GPR132: variants seen among roughly 807,000 people sequenced by gnomAD.
GPR132 encodes probable G protein-coupled receptor 132.
In GPR132, 4 loss-of-function variants were observed where a neutral mutation model predicts 1.9. The ratio of observed to expected loss-of-function variants is 2.13; its 90% CI spans 1.05 to 4.87. The LOEUF is 4.87. Ranked by LOEUF, GPR132 falls within the 30% of genes most tolerant of loss-of-function variation. The pLI is 0.01. For synonymous variants in GPR132, 233 were observed against 234.2 expected (o/e 0.99, Z 0.05); for missense variants, 404 against 512.5 (o/e 0.79, Z 2.04).
At chr14:105,062,949 CA>C (rs1566737642) in intron 1 of GPR132, among the ~76,000 whole-genome samples, 1 of 151,704 alleles carries the variant, frequency 6.6e-6, no homozygotes, top group African/African-American at 2.4e-5. Flanking sequence ...TATTTGGAGA[CA>C]GGGTCTTGCT....
chr14:105,056,397 G>T lies in GPR132; in HGVS notation c.-746-231C>A, dbSNP rs554818080. ...GTCCTGAGCTCAGAGGAAGTTTCGG[G>T]CCCCCTACACGGCCCCGTCTCTTTC... On this transcript the variant is annotated intron_variant, in intron 2 of 3. Transcript: ENST00000329797. This position sits in a 1 kb window ranked among gnomAD's most constrained non-coding sequence, Gnocchi z 6.0. 6.6e-6 allele frequency among the ~76,000 whole-genome samples: 1 copy of T among 152,132 alleles called. No individual in the cohort carries two copies. The highest frequency in any genetic ancestry group is 2.4e-5 in the African/African-American group (1 of 41,424).
At position 105,051,198 on chromosome 14, in the gene GPR132, G is replaced by A. The variant is rs1214054273; in HGVS notation, c.939C>T (p.Asp313=). ...TTCTGGACACTTCTTGGCGGGAATGGTCCGTGGCCAGCACGTAGATAATGG... is the reference window on the plus strand; with the variant it reads ...TTCTGGACACTTCTTGGCGGGAATGATCCGTGGCCAGCACGTAGATAATGG... ...ADPIIYVLAT[D]HSRQEVSRIH... The change falls in exon 4 of 4, where the codon GAC becomes GAT. Residue 313 remains aspartate, a synonymous_variant. Transcript: ENST00000329797. This position sits in a 1 kb window ranked among gnomAD's most constrained non-coding sequence, Gnocchi z 8.0. 2 of 1,614,012 alleles carry A rather than the reference G, an allele frequency of 1.2e-6. No individual in the cohort carries two copies. Among genetic ancestry groups the A allele is most frequent in the African/African-American group, 1.3e-5 (1 of 74,946 alleles).
rs1886792427 is a variant in GPR132, at chr14:105,056,341, A to G, written c.-746-175T>C. 6.6e-6 allele frequency among the ~76,000 whole-genome samples: 1 copy of G among 152,076 alleles called. No homozygotes were observed. Among genetic ancestry groups the G allele is most frequent in the Non-Finnish European group, 1.5e-5 (1 of 67,994 alleles). ...TCTTCACCCAGATGGCTCTTTTCCC[A>G]TCAAACGAGTGCCCCAGCCCCGCTG... On this transcript the variant is annotated intron_variant, in intron 2 of 3. Transcript: ENST00000329797. This position sits in a 1 kb window ranked among gnomAD's most constrained non-coding sequence, Gnocchi z 6.0.
In GPR132 at chr14:105,060,110, G is replaced by A. The variant is rs1340466707; in HGVS notation, c.-860-2830C>T. 6.6e-6 allele frequency among the ~76,000 whole-genome samples: 1 copy of A among 152,222 alleles called. No homozygotes were observed. The highest frequency in any genetic ancestry group is 1.5e-5 in the Non-Finnish European group (1 of 68,036). On this transcript the variant is annotated intron_variant, in intron 1 of 3. Coordinates refer to ENST00000329797, the MANE Select transcript of GPR132 (RefSeq NM_013345.4). This position sits in a 1 kb window ranked among gnomAD's most constrained non-coding sequence, Gnocchi z 6.3. Reference sequence around the variant, plus strand: ...CGGGCCAGCCCCCTGAGTGGAGATGGTGGGGCAGCGCTGAGGGTCTTCAGA... The same window carrying A: ...CGGGCCAGCCCCCTGAGTGGAGATGATGGGGCAGCGCTGAGGGTCTTCAGA...
At chr14:105,061,753 A>G (rs989626468) in intron 1 of GPR132, among the ~76,000 whole-genome samples, 2 of 148,594 alleles carry the variant, frequency 1.3e-5, no homozygotes, top group Non-Finnish European at 3.0e-5. Flanking sequence ...GGGGGGGGGG[A>G]GTCCCTCCTG....
In GPR132 at chr14:105,057,150, G is replaced by T. The variant is rs545057286; in HGVS notation, c.-747+17C>A. Reference sequence around the variant, plus strand: ...GGCTTCCTCTTACATGTTCAAAGTCGGAGAAGGCTCTCTCACCTGGCATAT... The same window carrying T: ...GGCTTCCTCTTACATGTTCAAAGTCTGAGAAGGCTCTCTCACCTGGCATAT... On this transcript the variant is annotated intron_variant, in intron 2 of 3. Coordinates refer to ENST00000329797, the MANE Select transcript of GPR132 (RefSeq NM_013345.4). 569 of 1,529,700 alleles carry T rather than the reference G, an allele frequency of 3.7e-4. No individual in the cohort carries two copies. Among genetic ancestry groups the T allele is most frequent in the Non-Finnish European group, 4.8e-4 (544 of 1,141,260 alleles). The allele number at this position is 1,529,700 out of a possible 1,614,324, so 94.8% of individuals were successfully genotyped here. A position where few individuals can be genotyped will look rare whatever the true frequency, so the allele number is the denominator to read the frequency against.
In GPR132 at chr14:105,051,979, C is replaced by G; in HGVS notation, c.158G>C (p.Cys53Ser). Residue 53 changes from cysteine to serine, a missense_variant, in exon 4 of 4, where the codon TGC becomes TCC. Coordinates refer to ENST00000329797, the MANE Select transcript of GPR132 (RefSeq NM_013345.4). This position sits in a 1 kb window ranked among gnomAD's most constrained non-coding sequence, Gnocchi z 8.0. ...GCAGTTGGCCGGCACCCCCAGCGTG[C>G]ACACCGCGCTGTACACCACGACCAG... Reference protein sequence around the residue: ...IVLVVVYSAVCTLGVPANCLT... With the variant: ...IVLVVVYSAVSTLGVPANCLT... 1 of 1,613,158 alleles carries G rather than the reference C, an allele frequency of 6.2e-7. No individual in the cohort carries two copies. The highest frequency in any genetic ancestry group is 8.5e-7 in the Non-Finnish European group (1 of 1,179,892).
At chr14:105,054,180 G>A in intron 3 of GPR132, 3 of 1,251,836 alleles carry the variant, frequency 2.4e-6, no homozygotes, top group South Asian at 1.3e-5. Flanking sequence ...CGGACGGACA[G>A]AGCGTTGCCA....
At chr14:105,061,484 C>T (rs777005939) in intron 1 of GPR132, among the ~76,000 whole-genome samples, 5 of 152,166 alleles carry the variant, frequency 3.3e-5, no homozygotes, top group African/African-American at 4.8e-5. Flanking sequence ...GCCCTCTCTC[C>T]GGCCAGCCCA....
chr14:105,058,325 C>T (rs1357235503), intron 1 of GPR132, among the ~76,000 whole-genome samples: 2 of 152,178 alleles, frequency 1.3e-5, no homozygotes, highest in African/African-American at 4.8e-5. Flanking sequence ...TGAGCTGCTG[C>T]ACTCCGGCCT....
chr14:105,063,222 A>C (rs1396914796), intron 1 of GPR132, among the ~76,000 whole-genome samples: 1 of 150,878 alleles, frequency 6.6e-6, no homozygotes, highest in Non-Finnish European at 1.5e-5. Context: ...TGCCCGGCCA[A>C]TGAATCCATT....
At position 105,060,914 on chromosome 14, in the gene GPR132, C is replaced by A. The variant is rs1334066708; in HGVS notation, c.-860-3634G>T. On this transcript the variant is annotated intron_variant, in intron 1 of 3. Transcript: ENST00000329797. This position sits in a 1 kb window ranked among gnomAD's most constrained non-coding sequence, Gnocchi z 6.3. ...CCCAGCCGCAGGCAGAGGCTCACAG[C>A]GAGGCCCCTCTGGGATCCAGGCCTG... Among the ~76,000 whole-genome samples, 1 of 152,242 alleles carries A rather than the reference C, an allele frequency of 6.6e-6. No individual in the cohort carries two copies. Among genetic ancestry groups the A allele is most frequent in the African/African-American group, 2.4e-5 (1 of 41,466 alleles).
At chr14:105,061,288 C>T (rs1238835921) in intron 1 of GPR132, among the ~76,000 whole-genome samples, 1 of 152,266 alleles carries the variant, frequency 6.6e-6, no homozygotes, top group Non-Finnish European at 1.5e-5. Flanking sequence ...CTTTGTCTGG[C>T]ATTCCCTGCC....
At chr14:105,058,349 G>C (rs1324872350) in intron 1 of GPR132, among the ~76,000 whole-genome samples, 1 of 151,984 alleles carries the variant, frequency 6.6e-6, no homozygotes, top group Non-Finnish European at 1.5e-5. Context: ...TACAGAGAGA[G>C]ACCCCGTCTC....
chr14:105,051,898 T>A lies in GPR132; in HGVS notation c.239A>T (p.Tyr80Phe). ...QVLQGNVLAV[Y>F]LLCLALCELL... ...CTCGCAGAGTGCCAGGCAGAGCAGG[T>A]AGACGGCCAGCACGTTGCCCTGCAG... Residue 80 changes from tyrosine to phenylalanine, a missense_variant, in exon 4 of 4, where the codon TAC becomes TTC. Physicochemically the swap from Tyr to Phe is conservative, Grantham distance 22. Coordinates refer to ENST00000329797, the MANE Select transcript of GPR132 (RefSeq NM_013345.4). The surrounding 1 kb of genome is among the most constrained non-coding windows in gnomAD (Gnocchi z 8.0). The A allele has an allele frequency of 6.2e-7, 1 of 1,613,612 alleles. No homozygotes were observed. The highest frequency in any genetic ancestry group is 1.1e-5 in the South Asian group (1 of 91,080).
intron 1 of GPR132, 44 bp from the exon 2 acceptor site, chr14:105,057,324 G>A: frequency 3.1e-6 from 2 of 652,562 alleles, no homozygotes; most frequent in Admixed American, 5.0e-5. Context: ...AAATCAGATT[G>A]AGTCACAAGT....
rs1886820998 is a variant in GPR132, at chr14:105,057,288, AAGAGT to A, written c.-860-13_-860-9del. On this transcript the variant is annotated splice_polypyrimidine_tract_variant and intron_variant, in intron 1 of 3. Transcript: ENST00000329797. ...CTGAGAGTTTAAAATGACCTGGAAA[AAGAGT>A]AGGTTGAAATTGTTTTAGGGAAATC... 2.7e-6 allele frequency: 2 copies of A among 743,196 alleles called. No individual in the cohort carries two copies. Among genetic ancestry groups the A allele is most frequent in the East Asian group, 5.4e-5 (2 of 36,934 alleles). The allele number at this position is 743,196 out of a possible 1,614,324, so 46.0% of individuals were successfully genotyped here.
chr14:105,053,683 C>T (rs1412627083), intron 3 of GPR132, among the ~76,000 whole-genome samples: 1 of 151,740 alleles, frequency 6.6e-6, no homozygotes, highest in African/African-American at 2.4e-5. Context: ...GATACCCCTC[C>T]TCTCGGTGGC....
chr14:105,052,392 A>G (rs1306450585), intron 3 of GPR132, among the ~76,000 whole-genome samples: 2 of 151,980 alleles, frequency 1.3e-5, no homozygotes, highest in Admixed American at 1.3e-4. Flanking sequence ...CAGTGGCACA[A>G]CCTCGGCTCA....
Sources: gnomAD v4.1 joint callset for allele counts (sites outside exome capture counted in the v4.1 genomes callset) on GRCh38, gnomAD v4.1.1 for gene constraint, Gnocchi (gnomAD v3.1) non-coding constraint, MANE v1.5 for transcripts, NCBI Gene and HGNC (gene_info 2026-07-23, HGNC 2026-07-21) for gene names.